Variants in CD163L1 observed in about 807,000 individuals in gnomAD.
The protein encoded by CD163L1 is scavenger receptor cysteine-rich type 1 protein M160.
CD163L1 carries 124 observed loss-of-function variants against 165.4 expected under a neutral mutation model. The observed-to-expected ratio is 0.75, with a 90% CI of 0.65 to 0.87. The LOEUF (loss-of-function observed/expected upper bound fraction) is 0.87, where lower values mean the gene tolerates loss of function less well. Ranked by LOEUF, CD163L1 falls within the 40% of genes least tolerant of loss-of-function variation. The probability of loss-of-function intolerance (pLI) is 0.00; values close to 1 mark genes in which losing one functional copy is unlikely to be tolerated. For synonymous variants in CD163L1, 585 were observed against 662.2 expected (o/e 0.88, Z 1.79); for missense variants, 1,525 against 1,799.9 (o/e 0.85, Z 2.76).
At chr12:7,394,346 G>T (rs1199331260) in intron 8 of CD163L1, among the ~76,000 whole-genome samples, 2 of 152,232 alleles carry the variant, frequency 1.3e-5, no homozygotes, top group African/African-American at 4.8e-5. Context: ...ATGGGGAAAG[G>T]ATTCCCTATT....
chr12:7,398,514 G>A lies in CD163L1; in HGVS notation c.1479C>T (p.Tyr493=), dbSNP rs775032080. 6.2e-7 allele frequency: 1 copy of A among 1,613,380 alleles called. No homozygotes were observed. The highest frequency in any genetic ancestry group is 8.5e-7 in the Non-Finnish European group (1 of 1,179,656). ...SPCYGRLEVK[Y]QGEWGTVCHD... ...GACACACAGTCCCCCACTCTCCTTGGTATTTCACCTCCAATCTCCCATAAC... is the reference window on the plus strand; with the variant it reads ...GACACACAGTCCCCCACTCTCCTTGATATTTCACCTCCAATCTCCCATAAC... Residue 493 remains tyrosine, a synonymous_variant, in exon 7 of 20, where the codon TAC becomes TAT. Coordinates refer to ENST00000313599, the MANE Select transcript of CD163L1 (RefSeq NM_174941.6). The surrounding 1 kb of genome is among the most constrained non-coding windows in gnomAD (Gnocchi z 4.5).
At chr12:7,335,241 A>G in the CD163L1 span, among the ~76,000 whole-genome samples, 1 of 152,190 alleles carries the variant, frequency 6.6e-6, no homozygotes, top group Non-Finnish European at 1.5e-5. Flanking sequence ...ACTTCAAACT[A>G]TACTACAAAG....
chr12:7,365,696 AAAAAG>A (rs1947002195), intron 18 of CD163L1, among the ~76,000 whole-genome samples: 1 of 152,200 alleles, frequency 6.6e-6, no homozygotes, highest in Non-Finnish European at 1.5e-5. Context: ...AACATAACTC[AAAAAG>A]AAAATGAGAT....
rs1471512643 is a variant in CD163L1, at chr12:7,405,195, A to T, written c.1087+1337T>A. Among the ~76,000 whole-genome samples the T allele has an allele frequency of 2.6e-5, 4 of 152,164 alleles. No homozygotes were observed. The East Asian group carries it at 7.7e-4, about 29-fold the overall frequency. On this transcript the variant is annotated intron_variant, in intron 5 of 19. Transcript: ENST00000313599. ...ATAGCAACTGGTCTGACAGTTAAGG[A>T]TGTTATATCAAGTCAGAAGTACACA...
At chr12:7,417,150 T>A (rs1269164239) in intron 4 of CD163L1, among the ~76,000 whole-genome samples, 2 of 152,186 alleles carry the variant, frequency 1.3e-5, no homozygotes, top group African/African-American at 4.8e-5. Context: ...TAAGTTGTAT[T>A]CCTAGGTATT....
intron 8 of CD163L1, among the ~76,000 whole-genome samples, chr12:7,385,220 C>A (rs1947491362): frequency 6.8e-6 from 1 of 147,630 alleles, no homozygotes; most frequent in East Asian, 2.0e-4. Context: ...ATATTTATAT[C>A]AGATAAAGTG....
At chr12:7,406,274 A>G (rs975686715) in intron 5 of CD163L1, among the ~76,000 whole-genome samples, 1 of 152,194 alleles carries the variant, frequency 6.6e-6, no homozygotes, top group Non-Finnish European at 1.5e-5. Context: ...TGTTGCACCA[A>G]TTAGAATTAA....
At chr12:7,377,577 C>T (rs1287500117) in intron 9 of CD163L1, among the ~76,000 whole-genome samples, 1 of 152,206 alleles carries the variant, frequency 6.6e-6, no homozygotes, top group Non-Finnish European at 1.5e-5. Flanking sequence ...TCCTTCTCAA[C>T]TTGAAATGAT....
At chr12:7,329,587 A>G in the CD163L1 span, among the ~76,000 whole-genome samples, 1 of 152,036 alleles carries the variant, frequency 6.6e-6, no homozygotes, top group African/African-American at 2.4e-5. Flanking sequence ...TTTCTAAACC[A>G]CAAGACTGCA....
chr12:7,349,864 T>C (rs1946695701), intron 4 of CD163L1, among the ~76,000 whole-genome samples: 1 of 152,186 alleles, frequency 6.6e-6, no homozygotes, highest in Non-Finnish European at 1.5e-5. Context: ...ATTGATCTCA[T>C]TGAGGAGTGA....
At chr12:7,429,064 A>C (rs976215986) in intron 4 of CD163L1, among the ~76,000 whole-genome samples, 1 of 152,094 alleles carries the variant, frequency 6.6e-6, no homozygotes, top group Admixed American at 6.6e-5. Flanking sequence ...TATGTGTAGC[A>C]AAGTTTAATA....
downstream of CD163L1, among the ~76,000 whole-genome samples, chr12:7,351,624 A>G (rs6488161): frequency 1 from 151,821 of 152,246 alleles, 75,701 homozygotes; most frequent in Middle Eastern, 1. Context: ...TATGAATTTT[A>G]GAGGGACAAA....
chr12:7,427,630 C>T (rs1028111890), intron 4 of CD163L1, among the ~76,000 whole-genome samples: 5 of 151,972 alleles, frequency 3.3e-5, no homozygotes, highest in Non-Finnish European at 7.4e-5. Context: ...ATATTAAATA[C>T]GTACAGCTTT....
Position 7,426,849 on chromosome 12 carries a change from T to C in CD163L1, c.766+5567A>G, listed in dbSNP as rs373352212. 2.0e-5 allele frequency among the ~76,000 whole-genome samples: 3 copies of C among 152,084 alleles called. 1 individual carries two copies. Among genetic ancestry groups the C allele is most frequent in the Admixed American group, 6.6e-5 (1 of 15,256 alleles). On this transcript the variant is annotated intron_variant, in intron 4 of 19. Coordinates refer to ENST00000313599, the MANE Select transcript of CD163L1 (RefSeq NM_174941.6). ...TTTTAGGACACACATAGGCTGAAAA[T>C]AGAGATGGAAAAATGTATTTCATGT...
intron 8 of CD163L1, among the ~76,000 whole-genome samples, chr12:7,394,529 A>G (rs898629537): frequency 3.5e-4 from 53 of 152,232 alleles, no homozygotes; most frequent in African/African-American, 1.3e-3. Flanking sequence ...GGACATAAGC[A>G]TGGGCAAGGA....
downstream of CD163L1, among the ~76,000 whole-genome samples, chr12:7,343,295 C>A (rs1004565148): frequency 1.3e-5 from 2 of 152,098 alleles, no homozygotes; most frequent in East Asian, 3.9e-4. Context: ...AAACGATTTG[C>A]GAAAGTCTCT....
rs1947203569 is a variant in CD163L1, at chr12:7,374,178, C to A, written c.3409+264G>T. On this transcript the variant is annotated intron_variant, in intron 13 of 19. Coordinates refer to ENST00000313599, the MANE Select transcript of CD163L1 (RefSeq NM_174941.6). This position sits in a 1 kb window ranked among gnomAD's most constrained non-coding sequence, Gnocchi z 5.4. ...GTGTTCTCAGAGCCAGAGTGGATGT[C>A]ATGTAAGGTCCCTTTCTTGGGGTCT... 6.6e-6 allele frequency among the ~76,000 whole-genome samples: 1 copy of A among 152,208 alleles called. No homozygotes were observed. The highest frequency in any genetic ancestry group is 1.5e-5 in the Non-Finnish European group (1 of 68,038).
chr12:7,441,044 A>G, intron 2 of CD163L1, 110 bp downstream of exon 2: 2 of 752,876 alleles, frequency 2.7e-6, no homozygotes, highest in East Asian at 5.0e-5. Context: ...AAGGTCCAAC[A>G]TTATTTTTAC....
chr12:7,414,190 A>G (rs992129800), intron 4 of CD163L1, among the ~76,000 whole-genome samples: 2 of 152,212 alleles, frequency 1.3e-5, no homozygotes, highest in Admixed American at 6.6e-5. Flanking sequence ...TCAATGGACT[A>G]AAGAGAACAT....
Sources: allele counts gnomAD v4.1 joint callset (sites outside exome capture counted in the v4.1 genomes callset), GRCh38; gene constraint gnomAD v4.1.1; non-coding constraint Gnocchi (gnomAD v3.1); transcripts MANE v1.5; gene names NCBI Gene and HGNC (gene_info 2026-07-23, HGNC 2026-07-21).